The following PUDP variants were observed in gnomAD, a reference collection of about 807,000 sequenced individuals.
The protein encoded by PUDP is pseudouridine 5'-phosphatase.
In PUDP, 8 loss-of-function variants were observed where a neutral mutation model predicts 9.4. That is an observed-to-expected ratio of 0.85 (90% CI 0.50 to 1.53). PUDP has a LOEUF of 1.53. PUDP is among the 40% of genes most tolerant of loss of function. The pLI is 0.00. For synonymous variants in PUDP, 99 were observed against 80.7 expected (o/e 1.23, Z -1.22); for missense variants, 188 against 189.7 (o/e 0.99, Z 0.05).
intron 2 of PUDP, among the ~76,000 whole-genome samples, chrX:7,090,849 G>C (rs1280621659): frequency 1.8e-5 from 2 of 111,822 alleles, no homozygotes; most frequent in Admixed American, 9.5e-5. Flanking sequence ...GACACAATCA[G>C]ACACAATCTT....
chrX:7,092,254 A>G (rs1035545867), intron 2 of PUDP, among the ~76,000 whole-genome samples: 4 of 113,025 alleles, frequency 3.5e-5, no homozygotes, highest in African/African-American at 3.2e-5. Flanking sequence ...CAATTTCTTC[A>G]CAAATAAGAG....
chrX:6,767,338 G>A (rs1402772645), intron 3 of PUDP, among the ~76,000 whole-genome samples: 1 of 112,639 alleles, frequency 8.9e-6, no homozygotes, highest in Non-Finnish European at 1.9e-5. Flanking sequence ...GCTGCCATTT[G>A]TATATTTCTG....
intron 1 of PUDP, among the ~76,000 whole-genome samples, chrX:7,143,082 C>A (rs944167271): frequency 1.8e-4 from 20 of 111,632 alleles, no homozygotes; most frequent in Admixed American, 4.8e-4. Context: ...AATATCAAGA[C>A]AACACCTTCC....
upstream of PUDP, among the ~76,000 whole-genome samples, chrX:6,722,713 A>G (rs1299178261): frequency 8.9e-6 from 1 of 111,891 alleles, no homozygotes; most frequent in Non-Finnish European, 1.9e-5. Flanking sequence ...TACTCCCGCA[A>G]GAACTCCTGC....
At chrX:6,932,651 C>T (rs1180723186) in intron 3 of PUDP, among the ~76,000 whole-genome samples, 2 of 111,773 alleles carry the variant, frequency 1.8e-5, no homozygotes, top group Admixed American at 9.4e-5. Context: ...CGTGCGCGAG[C>T]CGAAGCAGGG....
At chrX:7,146,835 GT>G (rs72051800) in intron 1 of PUDP, among the ~76,000 whole-genome samples, 16,288 of 82,752 alleles carry the variant, frequency 0.2, 1,630 homozygotes, top group Admixed American at 0.34. Flanking sequence ...GAGCTGCAGG[GT>G]TTTTTTTTTT....
At chrX:6,973,407 G>A (rs753185798) in intron 3 of PUDP, among the ~76,000 whole-genome samples, 5 of 111,720 alleles carry the variant, frequency 4.5e-5, no homozygotes, top group African/African-American at 9.7e-5. Flanking sequence ...TGTATGTTGT[G>A]TCTTTGTTCT....
chrX:6,723,010 A>T (rs1040117018), upstream of PUDP, among the ~76,000 whole-genome samples: 1 of 111,104 alleles, frequency 9.0e-6, no homozygotes, highest in African/African-American at 3.3e-5. Flanking sequence ...TAAAGTTGCA[A>T]ATGTACCTCA....
At chrX:6,912,247 G>A (rs1333822500) in intron 3 of PUDP, among the ~76,000 whole-genome samples, 1 of 111,472 alleles carries the variant, frequency 9.0e-6, no homozygotes. Flanking sequence ...GCTTTCTACA[G>A]TAGGTTTAAG....
chrX:6,899,407 C>G (rs907856329), intron 3 of PUDP, among the ~76,000 whole-genome samples: 18 of 111,618 alleles, frequency 1.6e-4, no homozygotes, highest in African/African-American at 5.5e-4. Context: ...ATGGCAAAAC[C>G]CTGTGTCTAC....
chrX:6,873,374 A>C (rs1294702328), intron 3 of PUDP, among the ~76,000 whole-genome samples: 9 of 112,028 alleles, frequency 8.0e-5, no homozygotes, highest in Non-Finnish European at 1.9e-5. Context: ...CTTCTGGTTT[A>C]CTAGATTCAC....
Position 6,911,938 on chromosome X carries a change from A to G in PUDP, c.*247+65195T>C, listed in dbSNP as rs193053930. On this transcript the variant is annotated intron_variant and NMD_transcript_variant, in intron 3 of 3. Transcript: ENST00000655425. The stretch of plus-strand genomic sequence containing the variant: ...CTATCTTATCATTCACATTTCCTAT[A>G]ACCTTAGTATTTTTTGTTCTGCTTG... Among the ~76,000 whole-genome samples, 4 of 111,601 alleles carry G rather than the reference A, an allele frequency of 3.6e-5. No individual in the cohort carries two copies. The Admixed American group carries it at 3.8e-4, about 11-fold the overall frequency.
rs150871944 is a variant in PUDP at position 7,134,302 on chromosome X, A to G, written c.61+13751T>C. 3.0e-3 allele frequency among the ~76,000 whole-genome samples: 334 copies of G among 112,138 alleles called. 1 individual carries two copies. Among genetic ancestry groups the G allele is most frequent in the African/African-American group, 0.01 (312 of 30,851 alleles). On this transcript the variant is annotated intron_variant, in intron 1 of 3. Coordinates refer to ENST00000381077, the MANE Select transcript of PUDP (RefSeq NM_012080.5). The stretch of plus-strand genomic sequence containing the variant: ...GCTGGTGAGAGTTTCAGTATCTACA[A>G]TTGTACCTGTACCTGTGAGGGCTGG...
intron 3 of PUDP, among the ~76,000 whole-genome samples, chrX:6,895,586 C>T (rs1025186530): frequency 1.8e-5 from 2 of 110,211 alleles, no homozygotes; most frequent in African/African-American, 6.6e-5. Flanking sequence ...ATAAAACTGC[C>T]TGCTATTGGT....
At chrX:6,743,033 G>T (rs189904437) in intron 3 of PUDP, among the ~76,000 whole-genome samples, 1 of 112,156 alleles carries the variant, frequency 8.9e-6, no homozygotes, top group Non-Finnish European at 1.9e-5. Flanking sequence ...TGTTGACCTT[G>T]CCCTATTCTC....
At chrX:7,123,038 C>T (rs763878003) in intron 1 of PUDP, among the ~76,000 whole-genome samples, 105 of 111,579 alleles carry the variant, frequency 9.4e-4, no homozygotes, top group Admixed American at 2.2e-3. Context: ...ATTAAAAAAA[C>T]GTCTCTGGTG....
rs776723894 is a variant in PUDP, at chrX:6,983,256, T to C, written c.205-4913A>G. ...GTCCCCAAGAACTTGGGGATCAGAG[T>C]TTTTAAGGATAATTTGGTGGGTAGG... On this transcript the variant is annotated intron_variant and NMD_transcript_variant, in intron 1 of 3. Transcript: ENST00000655425. Among the ~76,000 whole-genome samples the C allele has an allele frequency of 3.6e-4, 40 of 109,908 alleles. 1 individual carries two copies. The highest frequency in any genetic ancestry group is 1.3e-3 in the African/African-American group (38 of 30,153).
At chrX:6,965,546 T>G (rs1928769859) in intron 3 of PUDP, among the ~76,000 whole-genome samples, 1 of 112,185 alleles carries the variant, frequency 8.9e-6, no homozygotes, top group Admixed American at 9.5e-5. Context: ...AATACAAAAC[T>G]ACCTGCCTCA....
Position 6,866,878 on chromosome X carries a change from C to T in PUDP, c.*247+110255G>A, listed in dbSNP as rs141973095. Among the ~76,000 whole-genome samples, 592 of 111,319 alleles carry T rather than the reference C, an allele frequency of 5.3e-3. 4 individuals carry two copies. The highest frequency in any genetic ancestry group is 9.2e-3 in the Non-Finnish European group (487 of 53,067). Reference sequence around the variant, plus strand: ...AAATGTCACGGAAACTTACAGACAGCGGGACATCACCCAACTTGCTCTGGG... The same window carrying T: ...AAATGTCACGGAAACTTACAGACAGTGGGACATCACCCAACTTGCTCTGGG... On this transcript the variant is annotated intron_variant and NMD_transcript_variant, in intron 3 of 3. Transcript: ENST00000655425.
Sources: allele counts gnomAD v4.1 joint callset (sites outside exome capture counted in the v4.1 genomes callset), GRCh38; gene constraint gnomAD v4.1.1; transcripts MANE v1.5; gene names NCBI Gene and HGNC (gene_info 2026-07-23, HGNC 2026-07-21).